The following RREB1 variants were observed in gnomAD, a reference collection of about 807,000 sequenced individuals.
The protein encoded by RREB1 is ras responsive element binding protein 1.
Under a neutral mutation model 117.8 loss-of-function variants are expected in RREB1, and 27 were observed. The ratio of observed to expected loss-of-function variants is 0.23; its 90% CI spans 0.17 to 0.32. RREB1 has a LOEUF of 0.32. RREB1 is among the 10% of genes least tolerant of loss of function. The pLI, the probability that RREB1 is intolerant of heterozygous loss-of-function variation, is 1.00. For missense variants in RREB1, 2,577 were observed against 2,378.2 expected (o/e 1.08, Z -1.74); for synonymous variants, 1,298 against 1,026.7 (o/e 1.26, Z -5.05).
rs766933276 is a variant in RREB1 at position 7,230,829 on chromosome 6, C to G, written c.2730C>G (p.Val910=). 1.2e-6 allele frequency: 2 copies of G among 1,614,250 alleles called. No homozygotes were observed. The highest frequency in any genetic ancestry group is 8.5e-7 in the Non-Finnish European group (1 of 1,180,046). The change falls in exon 10 of 13, where the codon GTC becomes GTG. Residue 910 remains valine (V), a synonymous_variant. Coordinates refer to ENST00000379938, the MANE Select transcript of RREB1 (RefSeq NM_001003699.4). ...LDFSQKGLAL[V]QVKQENISFL... ...TCTCGCAGAAGGGCCTGGCCCTGGT[C>G]CAAGTGAAGCAGGAAAACATCTCCT...
In RREB1 at chr6:7,231,589, C is replaced by A; in HGVS notation, c.3490C>A (p.Arg1164Ser). The A allele has an allele frequency of 6.2e-7, 1 of 1,611,914 alleles. No individual in the cohort carries two copies. ...GRKRGMRSRP[R>S]ANSGGVDLDS... ...GAAAAGGGGGATGAGGAGCCGACCC[C>A]GCGCCAACAGCGGCGGGGTGGACCT... Residue 1164 changes from arginine (R) to serine (S), a missense_variant, in exon 10 of 13, where the codon CGC (arginine) becomes AGC (serine). Physicochemically the swap from Arg to Ser is moderately radical, Grantham distance 110. Transcript: ENST00000379938.
intron 1 of RREB1, among the ~76,000 whole-genome samples, chr6:7,117,388 G>GTTTT (rs70978941): frequency 7.9e-5 from 5 of 63,292 alleles, no homozygotes; most frequent in African/African-American, 2.0e-4. Flanking sequence ...TAGGTTTCCT[G>GTTTT]TTTTTTTTTT....
intron 1 of RREB1, among the ~76,000 whole-genome samples, chr6:7,118,758 GTT>G (rs1260171042): frequency 2.1e-5 from 3 of 139,960 alleles, no homozygotes; most frequent in East Asian, 4.6e-4. Flanking sequence ...AAAATAGTCA[GTT>G]TTTCACCACC....
chr6:7,142,113 G>GT (rs1762626071), intron 1 of RREB1, among the ~76,000 whole-genome samples: 1 of 152,198 alleles, frequency 6.6e-6, no homozygotes. Context: ...TACTCAGGAG[G>GT]TTGAGGCAGG....
At position 7,249,116 on chromosome 6, in the gene RREB1, G is replaced by T; in HGVS notation, c.*148G>T. On this transcript the variant is annotated 3_prime_UTR_variant, in exon 13 of 13. Transcript: ENST00000379938. Reference sequence around the variant, plus strand: ...GAGAGAGAGAGAGACAAGCAGGAGCGTGGCTGCTCGCTCAGTGCCATAGCC... The same window carrying T: ...GAGAGAGAGAGAGACAAGCAGGAGCTTGGCTGCTCGCTCAGTGCCATAGCC... 1.4e-6 allele frequency: 1 copy of T among 701,032 alleles called. No homozygotes were observed. Among genetic ancestry groups the T allele is most frequent in the Middle Eastern group, 4.0e-4 (1 of 2,500 alleles). 43.4% of individuals were successfully genotyped at this position (701,032 alleles called of 1,614,324 possible).
At chr6:7,167,409 A>G (rs1763995785) in intron 1 of RREB1, among the ~76,000 whole-genome samples, 1 of 142,854 alleles carries the variant, frequency 7.0e-6, no homozygotes, top group Admixed American at 7.4e-5. Flanking sequence ...GCTGGAGTGC[A>G]ATGGCACTAT....
intron 2 of RREB1, among the ~76,000 whole-genome samples, chr6:7,178,415 T>A (rs9502561): frequency 0.026 from 4,016 of 152,278 alleles, 167 homozygotes; most frequent in African/African-American, 0.09. Context: ...TAGGACCAAC[T>A]AATACTGGCC....
At chr6:7,200,244 ATGTGTGTGTGTGTGTGTG>A (rs70978945) in intron 6 of RREB1, among the ~76,000 whole-genome samples, 2 of 129,358 alleles carry the variant, frequency 1.5e-5, no homozygotes, top group Admixed American at 8.1e-5. Context: ...ATGTGTGTAT[ATGTGTGTGTGTGTGTGTG>A]TGTGTGTGTG....
intron 1 of RREB1, among the ~76,000 whole-genome samples, chr6:7,168,254 G>GA (rs574593859): frequency 0.019 from 1,370 of 72,378 alleles, 28 homozygotes; most frequent in African/African-American, 0.029. Context: ...GACTCCGTCT[G>GA]AAAAAAAAAA....
chr6:7,246,818 C>T lies in RREB1; in HGVS notation c.4368C>T (p.Ser1456=), dbSNP rs765452903. 6.4e-7 allele frequency: 1 copy of T among 1,553,392 alleles called. No individual in the cohort carries two copies. Among genetic ancestry groups the T allele is most frequent in the Non-Finnish European group, 8.7e-7 (1 of 1,148,842 alleles). The change falls in exon 12 of 13, where the codon AGC becomes AGT. Residue 1456 remains serine (S), a synonymous_variant. Transcript: ENST00000379938. The part of the protein sequence containing the change: ...QKLACDTCGK[S]FKFLGTLSRH... ...TCGCCTGCGACACCTGTGGGAAGAG[C>T]TTCAAGTTCCTGGGCACCCTGAGCC...
At chr6:7,126,739 A>G (rs1040003977) in intron 1 of RREB1, among the ~76,000 whole-genome samples, 3 of 152,220 alleles carry the variant, frequency 2.0e-5, no homozygotes, top group African/African-American at 7.2e-5. Context: ...GGAGGCCAGC[A>G]TTCTGGGCTC....
chr6:7,117,454 A>AGGCTGGAGTGCAATGGCGC (rs1761463792), intron 1 of RREB1, among the ~76,000 whole-genome samples: 1 of 120,514 alleles, frequency 8.3e-6, no homozygotes, highest in Non-Finnish European at 1.6e-5. Flanking sequence ...CTTGTCACCG[A>AGGCTGGAGTGCAATGGCGC]GGCTGGAGTG....
At chr6:7,168,275 AAG>A (rs1764054574) in intron 1 of RREB1, among the ~76,000 whole-genome samples, 2 of 151,772 alleles carry the variant, frequency 1.3e-5, no homozygotes, top group African/African-American at 4.8e-5. Context: ...AAAAAAAAAA[AAG>A]ATTCCCCATG....
chr6:7,199,789 G>A (rs1765852747), intron 6 of RREB1, among the ~76,000 whole-genome samples: 2 of 151,918 alleles, frequency 1.3e-5, no homozygotes, highest in Non-Finnish European at 2.9e-5. Context: ...TTACCCTCCC[G>A]AGTAGCTGGG....
In RREB1 at chr6:7,167,765, G is replaced by A. The variant is rs150405429; in HGVS notation, c.-284-8890G>A. Among the ~76,000 whole-genome samples, 484 of 152,308 alleles carry A rather than the reference G, an allele frequency of 3.2e-3. 5 individuals carry two copies. The highest frequency in any genetic ancestry group is 0.021 in the Admixed American group (322 of 15,306). On this transcript the variant is annotated intron_variant, in intron 1 of 12. Transcript: ENST00000379938. Reference sequence around the variant, plus strand: ...CCAGGGACTACCTGGAATGTTGGAGGATAAATAGTGTAGCATCAGTAGCTC... The same window carrying A: ...CCAGGGACTACCTGGAATGTTGGAGAATAAATAGTGTAGCATCAGTAGCTC...
chr6:7,203,561 G>A (rs1766106883), intron 6 of RREB1, among the ~76,000 whole-genome samples: 3 of 152,154 alleles, frequency 2.0e-5, no homozygotes, highest in Non-Finnish European at 4.4e-5. Context: ...CCCATGCCTG[G>A]GTTTGGAGAG....
At chr6:7,234,811 G>A (rs995393698) in intron 10 of RREB1, among the ~76,000 whole-genome samples, 4 of 152,306 alleles carry the variant, frequency 2.6e-5, no homozygotes, top group Admixed American at 2.6e-4. Context: ...CAGCCATATG[G>A]GGAATAAGAG....
At chr6:7,242,570 T>G (rs577833363) in intron 11 of RREB1, among the ~76,000 whole-genome samples, 1 of 152,058 alleles carries the variant, frequency 6.6e-6, no homozygotes, top group South Asian at 2.1e-4. Context: ...GAGGCAGAGT[T>G]TAGTGATTTC....
rs1767856678 is a variant in RREB1 at position 7,230,385 on chromosome 6, C to G, written c.2286C>G (p.Leu762=). 1 of 1,592,602 alleles carries G rather than the reference C, an allele frequency of 6.3e-7. No individual in the cohort carries two copies. Among genetic ancestry groups the G allele is most frequent in the Non-Finnish European group, 8.5e-7 (1 of 1,174,518 alleles). ...TGTGCCGGCTGTGCGGCGAGGACCT[C>G]AAGCACTATCGTGCCCTGCGCATCC... ...DTVCRLCGED[L]KHYRALRIHM... Residue 762 remains leucine, a synonymous_variant, in exon 10 of 13, where the codon CTC becomes CTG. Coordinates refer to ENST00000379938, the MANE Select transcript of RREB1 (RefSeq NM_001003699.4).
Sources: gnomAD v4.1 joint callset for allele counts (sites outside exome capture counted in the v4.1 genomes callset) on GRCh38, gnomAD v4.1.1 for gene constraint, MANE v1.5 for transcripts, NCBI Gene and HGNC (gene_info 2026-07-23, HGNC 2026-07-21) for gene names.